The following MKRN1 variants were observed in gnomAD, a reference collection of about 807,000 sequenced individuals.
MKRN1 encodes the protein E3 ubiquitin-protein ligase makorin-1.
MKRN1 carries 9 observed loss-of-function variants against 55.5 expected under a neutral mutation model. That is an observed-to-expected ratio of 0.16 (90% CI 0.10 to 0.28). The LOEUF is 0.28. MKRN1 is among the 10% of genes least tolerant of loss of function. The pLI is 1.00. For missense variants in MKRN1, 488 were observed against 626.7 expected, an observed-to-expected ratio of 0.78 and a Z score of 2.36; for synonymous variants, 253 against 235.9, an observed-to-expected ratio of 1.07 and a Z score of -0.66.
At chr7:140,464,584 A>G (rs1372296024) in intron 2 of MKRN1, among the ~76,000 whole-genome samples, 1 of 152,010 alleles carries the variant, frequency 6.6e-6, no homozygotes, top group Non-Finnish European at 1.5e-5. Flanking sequence ...GCATGCCTGT[A>G]ATCTCAGCTA....
At chr7:140,473,603 A>G (rs1026941346) in intron 1 of MKRN1, among the ~76,000 whole-genome samples, 1 of 152,204 alleles carries the variant, frequency 6.6e-6, no homozygotes, top group Non-Finnish European at 1.5e-5. Flanking sequence ...TGAGTATACC[A>G]TTTATCAAAC....
rs540731213 is a variant in MKRN1, at chr7:140,479,152, C to A, written c.185+8G>T. On this transcript the variant is annotated splice_region_variant and intron_variant, in intron 1 of 7. Transcript: ENST00000255977. ...CCGCGCCCGGCGCTCCGCCGCGCAA[C>A]GTCCTACCTGCAGGTGACCTGTTTA... 52 of 1,356,262 alleles carry A rather than the reference C, an allele frequency of 3.8e-5. No individual in the cohort carries two copies. In the Middle Eastern group the frequency reaches 1.4e-3, roughly 35 times the overall value. The allele number at this position is 1,356,262 out of a possible 1,614,324, so 84.0% of individuals were successfully genotyped here. A position where few individuals can be genotyped will look rare whatever the true frequency, so the allele number is the denominator to read the frequency against.
chr7:140,459,888 C>T lies in MKRN1; in HGVS notation c.363G>A (p.Glu121=). ...PLKQEEATAT[E]LTTKSSLAAS... ...CAGCAAGGGATGACTTTGTAGTTAG[C>T]TCTGTAGCAGTTGCTTCTTCCTGTT... The change falls in exon 3 of 8, where the codon GAG becomes GAA. Residue 121 remains glutamate, a synonymous_variant. Coordinates refer to ENST00000255977, the MANE Select transcript of MKRN1 (RefSeq NM_013446.4). 6.2e-7 allele frequency: 1 copy of T among 1,613,916 alleles called. No homozygotes were observed. The highest frequency in any genetic ancestry group is 1.1e-5 in the South Asian group (1 of 91,068).
chr7:140,459,234 C>T lies in MKRN1; in HGVS notation c.545-1G>A. 6.2e-7 allele frequency: 1 copy of T among 1,613,786 alleles called. No individual in the cohort carries two copies. Among genetic ancestry groups the T allele is most frequent in the Non-Finnish European group, 8.5e-7 (1 of 1,179,824 alleles). The stretch of plus-strand genomic sequence containing the variant: ...GGTGCTTCAGTGCAGGAAGGCGCAG[C>T]TGAAAATGTGTAAGAGGGTGGTAAA... On this transcript the variant is annotated splice_acceptor_variant, in intron 3 of 7. Transcript: ENST00000255977. LOFTEE classifies it high-confidence loss of function.
intron 1 of MKRN1, 185 bp from the exon 2 acceptor site, chr7:140,472,196 G>A: frequency 1.3e-6 from 1 of 747,394 alleles, no homozygotes; most frequent in Non-Finnish European, 2.1e-6. Flanking sequence ...TGAGGTGAGT[G>A]GCTCACCTGA....
At chr7:140,471,798 C>G in intron 2 of MKRN1, 85 bp downstream of exon 2, 1 of 1,510,122 alleles carries the variant, frequency 6.6e-7, no homozygotes, top group Non-Finnish European at 8.9e-7. Context: ...TATTTTTAAT[C>G]AGTGACATAT....
At chr7:140,471,142 C>T (rs1794911161) in intron 2 of MKRN1, among the ~76,000 whole-genome samples, 1 of 152,022 alleles carries the variant, frequency 6.6e-6, no homozygotes, top group African/African-American at 2.4e-5. Flanking sequence ...CAACACTTTT[C>T]GGAGGCCAAG....
chr7:140,468,002 C>CAAAAAA (rs566154288), intron 2 of MKRN1, among the ~76,000 whole-genome samples: 2,368 of 88,486 alleles, frequency 0.027, 121 homozygotes, highest in African/African-American at 0.076. Flanking sequence ...AATTCTGTCT[C>CAAAAAA]AAAAAAAAAA....
chr7:140,459,232 A>G lies in MKRN1; in HGVS notation c.546T>C (p.Thr182=). 1.2e-6 allele frequency: 2 copies of G among 1,613,888 alleles called. No homozygotes were observed. The highest frequency in any genetic ancestry group is 1.7e-6 in the Non-Finnish European group (2 of 1,179,840). ...GGGGTGCTTCAGTGCAGGAAGGCGC[A>G]GCTGAAAATGTGTAAGAGGGTGGTA... ...FVPGQPYCGR[T]APSCTEAPLQ... is the part of the protein sequence containing the mutation. The change falls in exon 4 of 8, where the codon ACT becomes ACC. Residue 182 remains threonine, a splice_region_variant and synonymous_variant. Transcript: ENST00000255977.
intron 2 of MKRN1, among the ~76,000 whole-genome samples, chr7:140,464,772 G>C (rs944784696): frequency 1.3e-5 from 2 of 151,628 alleles, no homozygotes; most frequent in African/African-American, 2.4e-5. Flanking sequence ...AAAAAAATTA[G>C]TTATTTTTAC....
At chr7:140,467,852 A>C (rs1401655064) in intron 2 of MKRN1, among the ~76,000 whole-genome samples, 2 of 151,806 alleles carry the variant, frequency 1.3e-5, no homozygotes, top group Non-Finnish European at 2.9e-5. Flanking sequence ...AAAATACAAA[A>C]TTAGCTGGGC....
chr7:140,474,003 A>AG (rs1795021967), intron 1 of MKRN1, among the ~76,000 whole-genome samples: 1 of 129,444 alleles, frequency 7.7e-6, no homozygotes, highest in African/African-American at 3.0e-5. Flanking sequence ...AAAAAAAAAA[A>AG]AAAAAGAAAG....
chr7:140,472,146 A>G (rs1331031172), intron 1 of MKRN1, 135 bp from the exon 2 acceptor site: 3 of 1,216,850 alleles, frequency 2.5e-6, no homozygotes, highest in Non-Finnish European at 3.4e-6. Context: ...AGGGCCAGGC[A>G]TGGTGGCTCA....
intron 1 of MKRN1, among the ~76,000 whole-genome samples, chr7:140,474,074 A>G (rs1476687731): frequency 6.9e-6 from 1 of 144,976 alleles, no homozygotes; most frequent in African/African-American, 2.6e-5. Context: ...AGAATAAAAG[A>G]CTGTAGGGTG....
At chr7:140,456,434 T>C in intron 5 of MKRN1, 4 of 1,391,378 alleles carry the variant, frequency 2.9e-6, no homozygotes, top group Non-Finnish European at 3.7e-6. Flanking sequence ...ACGAAGATTC[T>C]AACTGATACA....
chr7:140,454,524 T>G lies in MKRN1; in HGVS notation c.1442A>C (p.Asp481Ala). ...ACACGCCACGCAAGGTTGCTATAGA[T>G]CCAAGTCATAAAAATCTTCCAGCTC... ...HDELEDFYDL[D>A]L Residue 481 changes from aspartate to alanine, a missense_variant, in exon 8 of 8, where the codon GAT becomes GCT. By Grantham distance (126) the Asp-to-Ala change is moderately radical (BLOSUM62 -2). Around this residue, in one of 2 missense-constraint regions of MKRN1, gnomAD observed 278 missense variants for 406.7 expected, o/e 0.68. Transcript: ENST00000255977. 6.2e-7 allele frequency: 1 copy of G among 1,611,594 alleles called. No individual in the cohort carries two copies. Among genetic ancestry groups the G allele is most frequent in the Admixed American group, 1.7e-5 (1 of 59,908 alleles).
intron 1 of MKRN1, chr7:140,473,249 G>A (rs1182090233): frequency 6.8e-6 from 3 of 441,544 alleles, no homozygotes; most frequent in African/African-American, 2.1e-5. Flanking sequence ...TTCACCCCAA[G>A]TTGAGTTTGC....
chr7:140,475,666 AAAATACAAAT>A (rs1460456939), intron 1 of MKRN1, among the ~76,000 whole-genome samples: 1 of 152,176 alleles, frequency 6.6e-6, no homozygotes, highest in African/African-American at 2.4e-5. Flanking sequence ...CCTATCTCAA[AAAATACAAAT>A]AAATACAAAT....
chr7:140,465,248 C>CA (rs1404845113), intron 2 of MKRN1, among the ~76,000 whole-genome samples: 2 of 152,084 alleles, frequency 1.3e-5, no homozygotes, highest in Non-Finnish European at 2.9e-5. Flanking sequence ...CTGTAATCCC[C>CA]AGCACTTTGG....
Sources: allele counts gnomAD v4.1 joint callset (sites outside exome capture counted in the v4.1 genomes callset), GRCh38; gene constraint gnomAD v4.1.1; regional missense constraint gnomAD v4.1.1; transcripts MANE v1.5; gene names NCBI Gene and HGNC (gene_info 2026-07-23, HGNC 2026-07-21).